The following SYNE1 variants were observed in gnomAD, a reference collection of about 807,000 sequenced individuals.
The protein encoded by SYNE1 is nesprin-1.
A neutral mutation model predicts 1,111.0 loss-of-function variants in SYNE1; 616 were observed. The ratio of observed to expected loss-of-function variants is 0.55; its 90% CI spans 0.52 to 0.59. SYNE1 has a LOEUF of 0.59. Ranked by LOEUF, SYNE1 falls within the 20% of genes least tolerant of loss-of-function variation. The probability of loss-of-function intolerance (pLI) is 0.00; values close to 1 mark genes in which losing one functional copy is unlikely to be tolerated. For synonymous variants in SYNE1, 3,855 were observed against 3,825.8 expected (o/e 1.01, Z -0.28); for missense variants, 10,006 against 10,417.0 (o/e 0.96, Z 1.72).
At position 152,184,686 on chromosome 6, in the gene SYNE1, T is replaced by C. The variant is rs182879080; in HGVS notation, c.23302-4392A>G. Among the ~76,000 whole-genome samples, 5 of 151,942 alleles carry C rather than the reference T, an allele frequency of 3.3e-5. No individual in the cohort carries two copies. In the East Asian group the frequency reaches 5.8e-4, roughly 18 times the overall value. The stretch of plus-strand genomic sequence containing the variant: ...TAGATAGATAGATAGATAAAATATA[T>C]ATTAAATCCCTTGTGTTTATCACAC... On this transcript the variant is annotated intron_variant, in intron 128 of 145. Coordinates refer to ENST00000367255, the MANE Select transcript of SYNE1 (RefSeq NM_182961.4).
intron 3 of SYNE1, among the ~76,000 whole-genome samples, chr6:152,605,076 A>AGAAG (rs376634946): frequency 0.06 from 1,921 of 32,268 alleles, 100 homozygotes; most frequent in Middle Eastern, 0.14. Flanking sequence ...GAGGGAGGAA[A>AGAAG]GAAGGAAGGA....
Position 152,269,366 on chromosome 6 carries a change from G to A in SYNE1, c.18574-80C>T. On this transcript the variant is annotated intron_variant, in intron 98 of 145. Transcript: ENST00000367255. The stretch of plus-strand genomic sequence containing the variant: ...AAAGGGGAGAGAAGGCTACTTTGGT[G>A]TGATCTATGTAATGATACCAAAGTG... The A allele has an allele frequency of 5.6e-6, 9 of 1,603,138 alleles. No homozygotes were observed. The South Asian group carries it at 9.9e-5, about 18-fold the overall frequency.
At chr6:152,324,944 T>G in intron 81 of SYNE1, 140 bp downstream of exon 81, 2 of 1,001,356 alleles carry the variant, frequency 2.0e-6, no homozygotes, top group Non-Finnish European at 3.0e-6. Flanking sequence ...ATAACTTAAT[T>G]TTTATGTCAC....
chr6:152,424,297 T>C (rs1192111239), intron 39 of SYNE1, among the ~76,000 whole-genome samples: 1 of 152,262 alleles, frequency 6.6e-6, no homozygotes, highest in Non-Finnish European at 1.5e-5. Context: ...TTAATACTTA[T>C]AAAATCTTCT....
intron 129 of SYNE1, 27 bp downstream of exon 129, chr6:152,180,109 A>G (rs2067577277): frequency 1.2e-6 from 2 of 1,613,552 alleles, no homozygotes; most frequent in African/African-American, 2.7e-5. Flanking sequence ...TGAAGAATGA[A>G]AACCTAAGTA....
rs1286547372 is a variant in SYNE1, at chr6:152,334,262, C to T, written c.12540G>A (p.Lys4180=). The T allele has an allele frequency of 8.1e-6, 13 of 1,613,590 alleles. No homozygotes were observed. The South Asian group carries it at 1.4e-4, about 18-fold the overall frequency. ...NMVSQVKDFV[K]KLQSKQASVN... ...CGGATGCCTGTTTGCTCTGTAGTTT[C>T]TTAACAAAATCCTAAAGGATAACAG... The change falls in exon 77 of 146, where the codon AAG becomes AAA. Residue 4180 remains lysine, a synonymous_variant. Coordinates refer to ENST00000367255, the MANE Select transcript of SYNE1 (RefSeq NM_182961.4).
intron 87 of SYNE1, 108 bp downstream of exon 87, chr6:152,316,741 G>A: frequency 2.3e-6 from 3 of 1,323,794 alleles, no homozygotes; most frequent in Non-Finnish European, 3.2e-6. Flanking sequence ...TTTTTATCTG[G>A]TAGCTCCAAA....
intron 127 of SYNE1, among the ~76,000 whole-genome samples, chr6:152,200,224 A>ATATT (rs2075126651): frequency 6.6e-6 from 1 of 152,136 alleles, no homozygotes; most frequent in Non-Finnish European, 1.5e-5. Flanking sequence ...GGCAACCCAG[A>ATATT]TATTTACTGA....
chr6:152,232,337 C>T (rs952305508), intron 112 of SYNE1, 72 bp from the exon 113 acceptor site: 1 of 1,495,148 alleles, frequency 6.7e-7, no homozygotes, highest in African/African-American at 1.4e-5. Flanking sequence ...ACTTAAAAAC[C>T]CTACAATAAT....
intron 34 of SYNE1, among the ~76,000 whole-genome samples, chr6:152,431,967 G>T (rs550617086): frequency 6.6e-6 from 1 of 152,206 alleles, no homozygotes; most frequent in African/African-American, 2.4e-5. Context: ...AATTGTTCTA[G>T]TTGCTTGTAA....
At chr6:152,357,173 C>T (rs185339944) in intron 66 of SYNE1, among the ~76,000 whole-genome samples, 175 of 152,256 alleles carry the variant, frequency 1.1e-3, no homozygotes, top group African/African-American at 4.0e-3. Flanking sequence ...TCTTCCATTT[C>T]GGTTAATCCT....
intron 3 of SYNE1, among the ~76,000 whole-genome samples, chr6:152,580,763 C>T (rs534230056): frequency 5.9e-5 from 9 of 152,138 alleles, no homozygotes; most frequent in Admixed American, 5.2e-4. Flanking sequence ...AGCTGAGGAC[C>T]CAGGCATTGT....
rs1356846210 is a variant in SYNE1 at position 152,207,947 on chromosome 6, G to A, written c.22824+25C>T. On this transcript the variant is annotated intron_variant, in intron 125 of 145. Coordinates refer to ENST00000367255, the MANE Select transcript of SYNE1 (RefSeq NM_182961.4). ...TGCGGTGGAAATGCCTAAGAGGTGT[G>A]AGAACACTGTGTTTTGCATCTTACC... 3.1e-6 allele frequency: 5 copies of A among 1,612,160 alleles called. No individual in the cohort carries two copies. In the East Asian group the frequency reaches 1.1e-4, roughly 36 times the overall value.
chr6:152,613,952 G>A (rs1475132017), intron 3 of SYNE1, among the ~76,000 whole-genome samples: 1 of 152,180 alleles, frequency 6.6e-6, no homozygotes, highest in Non-Finnish European at 1.5e-5. Flanking sequence ...GCTGAAACTG[G>A]ATCCCCTCCT....
At chr6:152,483,483 A>G (rs994816732) in intron 13 of SYNE1, among the ~76,000 whole-genome samples, 1 of 152,208 alleles carries the variant, frequency 6.6e-6, no homozygotes, top group Non-Finnish European at 1.5e-5. Context: ...TTAAACATGG[A>G]AGAATATTAT....
At chr6:152,248,869 C>A (rs529041193) in intron 105 of SYNE1, among the ~76,000 whole-genome samples, 1 of 152,142 alleles carries the variant, frequency 6.6e-6, no homozygotes, top group Non-Finnish European at 1.5e-5. Context: ...TGACTTTCTG[C>A]CCTATGTCAT....
At chr6:152,277,270 T>G (rs988139195) in intron 98 of SYNE1, among the ~76,000 whole-genome samples, 5 of 125,118 alleles carry the variant, frequency 4.0e-5, no homozygotes, top group African/African-American at 1.5e-4. Context: ...TTTTCTTTTT[T>G]TTTTTTTTTT....
chr6:152,253,019 T>C (rs1554280106), intron 104 of SYNE1, among the ~76,000 whole-genome samples: 1 of 152,132 alleles, frequency 6.6e-6, no homozygotes, highest in Non-Finnish European at 1.5e-5. Flanking sequence ...GCTGAGGCAC[T>C]CGGGGATTCT....
intron 145 of SYNE1, among the ~76,000 whole-genome samples, chr6:152,124,228 C>T (rs2052528649): frequency 6.6e-6 from 1 of 152,158 alleles, no homozygotes; most frequent in South Asian, 2.1e-4. Flanking sequence ...ATCGCTTGAA[C>T]CCGGGAGGCG....
Sources: gnomAD v4.1 joint callset for allele counts (sites outside exome capture counted in the v4.1 genomes callset) on GRCh38, gnomAD v4.1.1 for gene constraint, MANE v1.5 for transcripts, NCBI Gene and HGNC (gene_info 2026-07-23, HGNC 2026-07-21) for gene names.